Variants in TMEM50B observed in about 807,000 individuals in gnomAD.
TMEM50B encodes transmembrane protein 50B.
A neutral mutation model predicts 23.4 loss-of-function variants in TMEM50B; 14 were observed. The observed-to-expected ratio is 0.60, with a 90% CI of 0.39 to 0.93. The LOEUF (loss-of-function observed/expected upper bound fraction) is 0.93, where lower values mean the gene tolerates loss of function less well. TMEM50B is among the 40% of genes least tolerant of loss of function. The pLI, the probability that TMEM50B is intolerant of heterozygous loss-of-function variation, is 0.00. For synonymous variants in TMEM50B, 64 were observed against 62.3 expected (o/e 1.03, Z -0.13); for missense variants, 159 against 193.0 (o/e 0.82, Z 1.04).
intron 8 of TMEM50B, chr21:33,436,935 G>C: frequency 6.2e-7 from 1 of 1,613,984 alleles, no homozygotes; most frequent in Middle Eastern, 1.6e-4. Flanking sequence ...CGGAAAAGGA[G>C]CAAGAAGATG....
chr21:33,458,152 G>A (rs531809718), intron 5 of TMEM50B, among the ~76,000 whole-genome samples: 2 of 152,276 alleles, frequency 1.3e-5, no homozygotes, highest in Non-Finnish European at 2.9e-5. Flanking sequence ...ACATAACTAT[G>A]GAGACCTTTT....
intron 3 of TMEM50B, among the ~76,000 whole-genome samples, chr21:33,466,721 C>T (rs568527240): frequency 1.5e-4 from 22 of 151,008 alleles, no homozygotes; most frequent in East Asian, 9.7e-4. Flanking sequence ...TATTAAAATG[C>T]GAAAAAGTAG....
At chr21:33,437,071 T>TA (rs2083962754) in intron 8 of TMEM50B, 1 of 1,111,334 alleles carries the variant, frequency 9.0e-7, no homozygotes, top group South Asian at 1.3e-5. Context: ...TTGCTGCCTC[T>TA]AAAAGGCCTG....
chr21:33,470,524 G>A (rs1322027782), intron 1 of TMEM50B, among the ~76,000 whole-genome samples: 1 of 151,088 alleles, frequency 6.6e-6, no homozygotes, highest in Admixed American at 6.6e-5. Context: ...GAAGTCAGGA[G>A]ATAGAGACCA....
intron 5 of TMEM50B, chr21:33,456,191 T>C (rs2084167046): frequency 2.2e-6 from 1 of 448,344 alleles, no homozygotes. Context: ...AGAGGTTTTT[T>C]GTGTTTGTTT....
chr21:33,451,230 T>C (rs1296976370), intron 6 of TMEM50B, among the ~76,000 whole-genome samples: 1 of 152,190 alleles, frequency 6.6e-6, no homozygotes, highest in African/African-American at 2.4e-5. Flanking sequence ...TCCAGGAGCC[T>C]ACCATATCTA....
At chr21:33,432,585 G>C (rs933681029) in exon 9 of TMEM50B, 25 of 1,024,016 alleles carry the variant, frequency 2.4e-5, no homozygotes, top group Admixed American at 1.9e-4. Flanking sequence ...AGGTGAGGGT[G>C]GGGGGTAGAG....
chr21:33,445,631 C>T (rs2084046801), downstream of TMEM50B, among the ~76,000 whole-genome samples: 1 of 152,194 alleles, frequency 6.6e-6, no homozygotes, highest in Non-Finnish European at 1.5e-5. Flanking sequence ...CCCATCTCTA[C>T]TAAAAATACA....
intron 6 of TMEM50B, among the ~76,000 whole-genome samples, chr21:33,451,495 T>A (rs2084119723): frequency 6.6e-6 from 1 of 152,120 alleles, no homozygotes; most frequent in Non-Finnish European, 1.5e-5. Flanking sequence ...AACATAAGGA[T>A]CAGACCTAGT....
chr21:33,442,507 C>A (rs575598531), intron 7 of TMEM50B, among the ~76,000 whole-genome samples: 2 of 152,200 alleles, frequency 1.3e-5, no homozygotes, highest in South Asian at 4.1e-4. Context: ...AAAAATTCAT[C>A]CCATTGTAGA....
intron 4 of TMEM50B, among the ~76,000 whole-genome samples, chr21:33,461,676 G>A (rs1490602273): frequency 6.6e-6 from 1 of 151,916 alleles, no homozygotes; most frequent in Non-Finnish European, 1.5e-5. Flanking sequence ...TTGGTGGCGG[G>A]TGCCTGTAGT....
intron 3 of TMEM50B, among the ~76,000 whole-genome samples, chr21:33,466,121 C>T (rs563370015): frequency 2.0e-5 from 3 of 152,000 alleles, no homozygotes; most frequent in South Asian, 2.1e-4. Flanking sequence ...ATTAGCTGGG[C>T]GTAGTGGCAG....
chr21:33,437,023 G>C, intron 8 of TMEM50B: 2 of 1,585,402 alleles, frequency 1.3e-6, no homozygotes, highest in South Asian at 1.1e-5. Flanking sequence ...GGAGCTGCTA[G>C]AGTTCTGTCT....
chr21:33,475,616 G>A (rs569246610), intron 1 of TMEM50B, among the ~76,000 whole-genome samples: 118 of 151,978 alleles, frequency 7.8e-4, no homozygotes, highest in Non-Finnish European at 1.4e-3. Flanking sequence ...AAAGTGCTGG[G>A]AATACAGGCG....
At chr21:33,446,679 C>A (rs13048792), downstream of TMEM50B, among the ~76,000 whole-genome samples, 77,669 of 101,310 alleles carry the variant, frequency 0.77, 28,452 homozygotes, top group East Asian at 0.96. Flanking sequence ...AAAAAAAAAA[C>A]CTCTAAGAAA....
chr21:33,438,866 AT>A (rs2083982934), intron 8 of TMEM50B, among the ~76,000 whole-genome samples: 1 of 151,860 alleles, frequency 6.6e-6, no homozygotes, highest in Admixed American at 6.6e-5. Context: ...AATAGCTGGG[AT>A]TACAGGCGTG....
chr21:33,446,863 G>C (rs575500973), downstream of TMEM50B, among the ~76,000 whole-genome samples: 12 of 118 alleles, frequency 0.1, no homozygotes, highest in African/African-American at 0.29. Flanking sequence ...AAGCAAGAAG[G>C]CGGGGCGCAG....
intron 8 of TMEM50B, chr21:33,437,229 G>T (rs2083965088): frequency 2.3e-6 from 1 of 426,626 alleles, no homozygotes; most frequent in African/African-American, 2.0e-5. Context: ...AAAAAGGCAT[G>T]TAATTGCTTG....
At position 33,432,988 on chromosome 21, in the gene TMEM50B, C is replaced by A; in HGVS notation, c.*2121-186G>T. 3 of 849,786 alleles carry A rather than the reference C, an allele frequency of 3.5e-6. No homozygotes were observed. The South Asian group carries it at 4.4e-5, about 12-fold the overall frequency. 52.6% of individuals were successfully genotyped at this position (849,786 alleles called of 1,614,324 possible). ...GCAGCCTCCATCTCCCAGGTTCAAG[C>A]GATTCTCCTGCCTCAGCCTCCTGAG... On this transcript the variant is annotated intron_variant and NMD_transcript_variant, in intron 8 of 8. Transcript: ENST00000420455.
Sources: allele counts gnomAD v4.1 joint callset (sites outside exome capture counted in the v4.1 genomes callset), GRCh38; gene constraint gnomAD v4.1.1; transcripts MANE v1.5; gene names NCBI Gene and HGNC (gene_info 2026-07-23, HGNC 2026-07-21).